Variants in DLG2 observed in about 807,000 individuals in gnomAD.
The protein encoded by DLG2 is disks large homolog 2.
Under a neutral mutation model 132.5 loss-of-function variants are expected in DLG2, and 45 were observed. The observed-to-expected ratio is 0.34, with a 90% CI of 0.27 to 0.44. DLG2 has a LOEUF of 0.44. Ranked by LOEUF, DLG2 falls within the 20% of genes least tolerant of loss-of-function variation. The pLI, the probability that DLG2 is intolerant of heterozygous loss-of-function variation, is 1.00. For missense variants in DLG2, 1,045 were observed against 1,196.9 expected, an observed-to-expected ratio of 0.87 and a Z score of 1.87; for synonymous variants, 424 against 419.6, an observed-to-expected ratio of 1.01 and a Z score of -0.13.
At chr11:84,341,967 A>T (rs1458413265) in intron 7 of DLG2, among the ~76,000 whole-genome samples, 1 of 152,260 alleles carries the variant, frequency 6.6e-6, no homozygotes, top group Non-Finnish European at 1.5e-5. Flanking sequence ...GCATCAAAAG[A>T]AAAGGATTCA....
downstream of DLG2, chr11:83,455,072 T>G (rs2088718746): frequency 6.6e-6 from 1 of 152,636 alleles, no homozygotes; most frequent in Non-Finnish European, 1.5e-5. Context: ...ATGACATGTT[T>G]ATAAACACTC....
At chr11:85,340,998 C>T (rs1172484847) in intron 3 of DLG2, among the ~76,000 whole-genome samples, 1 of 152,102 alleles carries the variant, frequency 6.6e-6, no homozygotes, top group East Asian at 1.9e-4. Flanking sequence ...TATCTCAGAA[C>T]CATTTATTAA....
chr11:83,482,984 ACCATGTT>A (rs1422425604), intron 22 of DLG2, among the ~76,000 whole-genome samples: 2 of 152,138 alleles, frequency 1.3e-5, no homozygotes, highest in Non-Finnish European at 2.9e-5. Context: ...GGGCATCAGG[ACCATGTT>A]GATAATATCA....
At chr11:84,698,190 G>A (rs966915847) in intron 6 of DLG2, among the ~76,000 whole-genome samples, 2 of 151,364 alleles carry the variant, frequency 1.3e-5, no homozygotes, top group Admixed American at 1.3e-4. Flanking sequence ...TATAAAGGTA[G>A]CATGAAGGCA....
At chr11:85,159,026 A>G (rs2152469016) in intron 4 of DLG2, among the ~76,000 whole-genome samples, 1 of 152,268 alleles carries the variant, frequency 6.6e-6, no homozygotes, top group African/African-American at 2.4e-5. Context: ...CTACACTACC[A>G]ACAATTTATA....
At chr11:83,590,737 C>T (rs1241716161) in intron 19 of DLG2, among the ~76,000 whole-genome samples, 3 of 152,020 alleles carry the variant, frequency 2.0e-5, no homozygotes, top group African/African-American at 4.8e-5. Flanking sequence ...AATTGATAGA[C>T]CGCTAGCAAG....
At chr11:84,844,280 C>CT (rs998194431) in intron 6 of DLG2, among the ~76,000 whole-genome samples, 4 of 149,824 alleles carry the variant, frequency 2.7e-5, no homozygotes, top group Non-Finnish European at 4.5e-5. Context: ...ACACACATTA[C>CT]TTTTTTTTGC....
intron 3 of DLG2, among the ~76,000 whole-genome samples, chr11:85,353,470 G>A (rs1268411177): frequency 3.9e-5 from 6 of 152,060 alleles, no homozygotes; most frequent in African/African-American, 9.7e-5. Flanking sequence ...CCATTGGACC[G>A]AGCAATCCTA....
chr11:85,227,288 T>C (rs895297882), intron 4 of DLG2, among the ~76,000 whole-genome samples: 2 of 152,092 alleles, frequency 1.3e-5, no homozygotes, highest in Non-Finnish European at 2.9e-5. Context: ...TACCAGTTTG[T>C]AATCTAAAAT....
intron 4 of DLG2, among the ~76,000 whole-genome samples, chr11:85,268,286 G>C (rs1325523739): frequency 6.6e-6 from 1 of 152,076 alleles, no homozygotes; most frequent in Non-Finnish European, 1.5e-5. Context: ...GCCTTCTTTG[G>C]AAAGGCTAAT....
At chr11:83,990,433 C>A (rs2093640611) in intron 11 of DLG2, among the ~76,000 whole-genome samples, 1 of 152,064 alleles carries the variant, frequency 6.6e-6, no homozygotes, top group Non-Finnish European at 1.5e-5. Context: ...TTTTTCCACA[C>A]AAAATCTTTT....
chr11:83,731,905 T>C (rs1018929892), intron 18 of DLG2, among the ~76,000 whole-genome samples: 3 of 152,242 alleles, frequency 2.0e-5, no homozygotes, highest in African/African-American at 7.2e-5. Flanking sequence ...TATCATTAAA[T>C]TAGTACCTTT....
chr11:83,718,020 C>T (rs2087174576), intron 18 of DLG2, among the ~76,000 whole-genome samples: 1 of 152,176 alleles, frequency 6.6e-6, no homozygotes, highest in Non-Finnish European at 1.5e-5. Flanking sequence ...TACCTTCAAA[C>T]CTGCTCCGTA....
At chr11:83,587,783 C>A (rs907452887) in intron 19 of DLG2, among the ~76,000 whole-genome samples, 1 of 152,080 alleles carries the variant, frequency 6.6e-6, no homozygotes, top group Non-Finnish European at 1.5e-5. Flanking sequence ...AGTGGGTGCG[C>A]GCACCGTGCG....
intron 7 of DLG2, among the ~76,000 whole-genome samples, chr11:84,405,510 G>A (rs2098845638): frequency 6.6e-6 from 1 of 152,190 alleles, no homozygotes; most frequent in Non-Finnish European, 1.5e-5. Context: ...TTTGGTCCAT[G>A]ACTGCTGGTG....
At chr11:84,477,445 A>C (rs2099124809) in intron 7 of DLG2, among the ~76,000 whole-genome samples, 1 of 152,084 alleles carries the variant, frequency 6.6e-6, no homozygotes, top group Admixed American at 6.6e-5. Context: ...CAGTGAGCCA[A>C]TTTTGTGTCA....
At chr11:84,417,328 A>G (rs1347294468) in intron 7 of DLG2, among the ~76,000 whole-genome samples, 1 of 152,220 alleles carries the variant, frequency 6.6e-6, no homozygotes, top group Non-Finnish European at 1.5e-5. Flanking sequence ...CCACAGAATT[A>G]ATGTGAGGTT....
At chr11:84,008,635 G>T (rs985017348) in intron 11 of DLG2, among the ~76,000 whole-genome samples, 1 of 151,866 alleles carries the variant, frequency 6.6e-6, no homozygotes, top group African/African-American at 2.4e-5. Flanking sequence ...ATAATAGAGA[G>T]AGAAGGGTAA....
intron 6 of DLG2, among the ~76,000 whole-genome samples, chr11:84,892,348 C>A (rs2089531496): frequency 6.6e-6 from 1 of 151,976 alleles, no homozygotes; most frequent in Admixed American, 6.6e-5. Context: ...AAATGTCATT[C>A]TTTATATTAA....
Sources: gnomAD v4.1 joint callset for allele counts (sites outside exome capture counted in the v4.1 genomes callset) on GRCh38, gnomAD v4.1.1 for gene constraint, MANE v1.5 for transcripts, NCBI Gene and HGNC (gene_info 2026-07-23, HGNC 2026-07-21) for gene names.